The following DHTKD1 variants were observed in gnomAD, a reference collection of about 807,000 sequenced individuals.
DHTKD1 encodes dehydrogenase E1 and transketolase domain containing 1, also known as 2-oxoadipate dehydrogenase complex component E1.
In DHTKD1, 78 loss-of-function variants were observed where a neutral mutation model predicts 101.8. That is an observed-to-expected ratio of 0.77 (90% CI 0.64 to 0.93). The LOEUF (loss-of-function observed/expected upper bound fraction) is 0.93, where lower values mean the gene tolerates loss of function less well. DHTKD1 is among the 40% of genes least tolerant of loss of function. The probability of loss-of-function intolerance (pLI) is 0.00; values close to 1 mark genes in which losing one functional copy is unlikely to be tolerated. For synonymous variants in DHTKD1, 462 were observed against 450.3 expected, an observed-to-expected ratio of 1.03 and a Z score of -0.33; for missense variants, 1,223 against 1,161.7, an observed-to-expected ratio of 1.05 and a Z score of -0.77.
At chr10:12,092,889 G>T (rs558418376) in intron 6 of DHTKD1, among the ~76,000 whole-genome samples, 6 of 152,066 alleles carry the variant, frequency 3.9e-5, no homozygotes, top group Non-Finnish European at 8.8e-5. Flanking sequence ...TTTTGTTGTT[G>T]TTGTTGTTTT....
Position 12,069,055 on chromosome 10 carries a change from G to A in DHTKD1, c.22G>A (p.Ala8Thr), listed in dbSNP as rs371803487. MASATAA[A>T]ARRGLGRALP... is the part of the protein sequence containing the mutation. ...GAACATGGCCTCTGCTACTGCGGCAGCAGCACGACGGGGCCTCGGCCGGGC... is the reference window on the plus strand; with the variant it reads ...GAACATGGCCTCTGCTACTGCGGCAACAGCACGACGGGGCCTCGGCCGGGC... The change falls in exon 1 of 17, where the codon GCA becomes ACA. Residue 8 changes from alanine to threonine, a missense_variant. Ala to Thr is a moderately conservative substitution (Grantham distance 58). Coordinates refer to ENST00000263035, the MANE Select transcript of DHTKD1 (RefSeq NM_018706.7). The A allele has an allele frequency of 7.4e-6, 12 of 1,613,122 alleles. No individual in the cohort carries two copies. The African/African-American group carries it at 1.2e-4, about 16-fold the overall frequency.
chr10:12,083,921 T>C (rs1489435471), intron 2 of DHTKD1, among the ~76,000 whole-genome samples: 2 of 151,876 alleles, frequency 1.3e-5, no homozygotes, highest in African/African-American at 4.8e-5. Flanking sequence ...ACCCAAGTTA[T>C]TTATTTATTT....
chr10:12,068,980 G>C lies in DHTKD1; in HGVS notation c.-54G>C. The C allele has an allele frequency of 6.2e-7, 1 of 1,604,524 alleles. No individual in the cohort carries two copies. The highest frequency in any genetic ancestry group is 8.5e-7 in the Non-Finnish European group (1 of 1,175,738). On this transcript the variant is annotated 5_prime_UTR_variant, in exon 1 of 17. Transcript: ENST00000263035. ...ACGAGTCCCGGATTTACCAGGGCCGGTGGGATCCCCTCGGGCTCCCGCCTT... is the reference window on the plus strand; with the variant it reads ...ACGAGTCCCGGATTTACCAGGGCCGCTGGGATCCCCTCGGGCTCCCGCCTT...
At chr10:12,109,293 AC>A (rs1833293620) in intron 12 of DHTKD1, among the ~76,000 whole-genome samples, 1 of 152,126 alleles carries the variant, frequency 6.6e-6, no homozygotes, top group African/African-American at 2.4e-5. Flanking sequence ...GGTAGACAGA[AC>A]AACAGATAGA....
At chr10:12,102,041 C>T (rs1055420257) in intron 10 of DHTKD1, among the ~76,000 whole-genome samples, 1 of 152,134 alleles carries the variant, frequency 6.6e-6, no homozygotes, top group Non-Finnish European at 1.5e-5. Flanking sequence ...ATAACTTATT[C>T]CTTAAGGTAA....
chr10:12,120,682 A>C (rs539405884), intron 16 of DHTKD1, 105 bp from the exon 17 acceptor site: 25 of 956,404 alleles, frequency 2.6e-5, no homozygotes, highest in Non-Finnish European at 4.0e-5. Flanking sequence ...GAGGTGATTT[A>C]TGGTTAAACA....
chr10:12,076,728 A>G (rs1368554952), intron 1 of DHTKD1, among the ~76,000 whole-genome samples: 3 of 151,720 alleles, frequency 2.0e-5, no homozygotes, highest in Non-Finnish European at 4.4e-5. Flanking sequence ...ACGCGATCTC[A>G]GCTCACTGCA....
At chr10:12,078,007 C>T (rs1411063215) in intron 1 of DHTKD1, among the ~76,000 whole-genome samples, 1 of 151,992 alleles carries the variant, frequency 6.6e-6, no homozygotes, top group Non-Finnish European at 1.5e-5. Flanking sequence ...AGGACTTCCT[C>T]TTTCTGCTGG....
chr10:12,070,451 C>T (rs940783951), intron 1 of DHTKD1, among the ~76,000 whole-genome samples: 13 of 152,148 alleles, frequency 8.5e-5, no homozygotes, highest in African/African-American at 3.1e-4. Context: ...CTCTTCACTT[C>T]GGAGGGCATT....
chr10:12,078,758 C>T lies in DHTKD1; in HGVS notation c.155-2714C>T, dbSNP rs149450386. On this transcript the variant is annotated intron_variant, in intron 1 of 16. Coordinates refer to ENST00000263035, the MANE Select transcript of DHTKD1 (RefSeq NM_018706.7). ...GCAGTGGCACCATCTCGGCTCACTG[C>T]AATGTCTACTTCCCAGGTTCCAGCG... 3.7e-3 allele frequency among the ~76,000 whole-genome samples: 560 copies of T among 152,226 alleles called. 4 individuals carry two copies. The highest frequency in any genetic ancestry group is 0.013 in the African/African-American group (532 of 41,554).
intron 2 of DHTKD1, among the ~76,000 whole-genome samples, chr10:12,082,260 A>G (rs574538581): frequency 6.6e-6 from 1 of 152,320 alleles, no homozygotes; most frequent in East Asian, 1.9e-4. Context: ...AAGAGGACTT[A>G]TATGACTCAT....
chr10:12,070,044 C>T (rs1474432514), intron 1 of DHTKD1, among the ~76,000 whole-genome samples: 1 of 152,096 alleles, frequency 6.6e-6, no homozygotes, highest in African/African-American at 2.4e-5. Flanking sequence ...CTCCTTGTAG[C>T]TAGTCTGTTA....
chr10:12,075,930 C>T (rs1397767864), intron 1 of DHTKD1, among the ~76,000 whole-genome samples: 18 of 145,838 alleles, frequency 1.2e-4, no homozygotes, highest in Admixed American at 7.5e-4. Context: ...TTTGACAGAG[C>T]GAGACTCTGT....
Position 12,121,231 on chromosome 10 carries a change from A to AAAAC in DHTKD1, c.*346_*347insCAAA, listed in dbSNP as rs1554795094. 5.7e-4 allele frequency: 128 copies of AAAAC among 226,164 alleles called. No individual in the cohort carries two copies. The highest frequency in any genetic ancestry group is 2.8e-3 in the African/African-American group (124 of 43,900). The allele number at this position is 226,164 out of a possible 1,614,324, so 14.0% of individuals were successfully genotyped here. On this transcript the variant is annotated 3_prime_UTR_variant, in exon 17 of 17. Coordinates refer to ENST00000263035, the MANE Select transcript of DHTKD1 (RefSeq NM_018706.7). ...CAAGACTGCGTTTCAAAAAAAAAAA[A>AAAAC]AAAAAAACCCATTAAAAGAGGCCTC...
chr10:12,081,897 G>A (rs1832826075), intron 2 of DHTKD1, among the ~76,000 whole-genome samples: 1 of 151,814 alleles, frequency 6.6e-6, no homozygotes, highest in African/African-American at 2.4e-5. Flanking sequence ...AGCCCGAGGT[G>A]GGAGAGTCAT....
chr10:12,074,432 T>C (rs1832694088), intron 1 of DHTKD1, among the ~76,000 whole-genome samples: 1 of 151,900 alleles, frequency 6.6e-6, no homozygotes, highest in South Asian at 2.1e-4. Flanking sequence ...CTCTGCTCAC[T>C]GCAAACTCTG....
chr10:12,084,439 T>A, intron 2 of DHTKD1, 101 bp from the exon 3 acceptor site: 1 of 761,512 alleles, frequency 1.3e-6, no homozygotes, highest in South Asian at 1.8e-5. Context: ...TTTTTAAACA[T>A]TGGGGTTAAT....
At chr10:12,102,965 G>A (rs1416569924) in intron 10 of DHTKD1, among the ~76,000 whole-genome samples, 6 of 152,034 alleles carry the variant, frequency 3.9e-5, no homozygotes, top group African/African-American at 1.2e-4. Flanking sequence ...GCTCACACCT[G>A]TAATCCCAGC....
At chr10:12,074,869 T>C (rs567385592) in intron 1 of DHTKD1, among the ~76,000 whole-genome samples, 1 of 152,188 alleles carries the variant, frequency 6.6e-6, no homozygotes, top group South Asian at 2.1e-4. Context: ...AGCGGCCATA[T>C]TGAAAACGTC....
Sources: allele counts gnomAD v4.1 joint callset (sites outside exome capture counted in the v4.1 genomes callset), GRCh38; gene constraint gnomAD v4.1.1; transcripts MANE v1.5; gene names NCBI Gene and HGNC (gene_info 2026-07-23, HGNC 2026-07-21).